The following DPYD variants were observed in gnomAD, a reference collection of about 807,000 sequenced individuals.
DPYD encodes dihydropyrimidine dehydrogenase.
In DPYD, 109 loss-of-function variants were observed where a neutral mutation model predicts 116.2. The observed-to-expected ratio is 0.94, with a 90% confidence interval of 0.80 to 1.10. DPYD has a LOEUF of 1.10. Among genes scored for constraint, DPYD ranks in the 50% least tolerant of loss-of-function variants. DPYD has a pLI of 0.00. For synonymous variants in DPYD, 440 were observed against 432.0 expected (o/e 1.02, Z -0.23); for missense variants, 1,302 against 1,254.5 (o/e 1.04, Z -0.57).
At chr1:97,594,988 G>T in intron 9 of DPYD, 71 bp downstream of exon 9, 4 of 1,173,072 alleles carry the variant, frequency 3.4e-6, no homozygotes, top group South Asian at 1.2e-5. Context: ...TGCTGAGCTT[G>T]ATTTTGATAT....
intron 11 of DPYD, among the ~76,000 whole-genome samples, chr1:97,567,560 C>T (rs1652608793): frequency 1.3e-5 from 2 of 152,094 alleles, no homozygotes; most frequent in African/African-American, 4.8e-5. Flanking sequence ...GCTCAGTCAC[C>T]TTGTCTCCGC....
chr1:97,749,288 C>T (rs1473786821), intron 3 of DPYD, among the ~76,000 whole-genome samples: 2 of 152,114 alleles, frequency 1.3e-5, no homozygotes, highest in Admixed American at 1.3e-4. Flanking sequence ...AGTGAAGAGT[C>T]AAAGAGTAAT....
chr1:97,190,787 T>C (rs962890291), intron 20 of DPYD, among the ~76,000 whole-genome samples: 1 of 152,204 alleles, frequency 6.6e-6, no homozygotes. Flanking sequence ...TCATTTTCTC[T>C]CCATTGTCAA....
intron 13 of DPYD, among the ~76,000 whole-genome samples, chr1:97,455,284 T>C (rs1277294143): frequency 6.6e-6 from 1 of 151,942 alleles, no homozygotes; most frequent in African/African-American, 2.4e-5. Flanking sequence ...TGTATATCGC[T>C]ATGAGTTGTT....
intron 16 of DPYD, 154 bp from the exon 17 acceptor site, chr1:97,306,451 C>A (rs1236248776): frequency 2.1e-6 from 2 of 973,826 alleles, no homozygotes; most frequent in Non-Finnish European, 3.2e-6. Flanking sequence ...CAGTATTACA[C>A]CTAGACTCAT....
chr1:97,315,638 A>G (rs1484628768), intron 16 of DPYD, among the ~76,000 whole-genome samples: 2 of 151,982 alleles, frequency 1.3e-5, no homozygotes, highest in African/African-American at 4.8e-5. Context: ...AAGAAGAAAG[A>G]AACTTGCCCA....
At chr1:97,751,460 G>GTGTGTGTATATATATATA (rs763260651) in intron 3 of DPYD, among the ~76,000 whole-genome samples, 4 of 21,286 alleles carry the variant, frequency 1.9e-4, no homozygotes, top group African/African-American at 3.5e-4. Flanking sequence ...GTGTGTGTGT[G>GTGTGTGTATATATATATA]TATATATATA....
intron 10 of DPYD, among the ~76,000 whole-genome samples, chr1:97,590,745 C>G (rs1457746975): frequency 6.6e-6 from 1 of 152,176 alleles, no homozygotes; most frequent in Non-Finnish European, 1.5e-5. Flanking sequence ...TTCCAAGGTG[C>G]TATGCCTCTA....
chr1:97,207,804 C>G (rs1659747413), intron 19 of DPYD, among the ~76,000 whole-genome samples: 1 of 152,108 alleles, frequency 6.6e-6, no homozygotes, highest in Non-Finnish European at 1.5e-5. Context: ...TGGGTTTCTG[C>G]ATCACGCACC....
chr1:97,260,250 C>A (rs1411265182), intron 18 of DPYD, among the ~76,000 whole-genome samples: 1 of 152,054 alleles, frequency 6.6e-6, no homozygotes, highest in African/African-American at 2.4e-5. Flanking sequence ...GGTGTGAAGA[C>A]TTCTTGTTAT....
intron 14 of DPYD, among the ~76,000 whole-genome samples, chr1:97,393,423 C>T (rs962224642): frequency 2.6e-5 from 4 of 151,844 alleles, no homozygotes; most frequent in African/African-American, 9.7e-5. Flanking sequence ...AGGTATATCT[C>T]CTAATGCTAT....
intron 1 of DPYD, among the ~76,000 whole-genome samples, chr1:97,910,219 C>T (rs1673868903): frequency 6.6e-6 from 1 of 151,962 alleles, no homozygotes; most frequent in East Asian, 1.9e-4. Flanking sequence ...CATTAGAATG[C>T]AATTTTATTG....
intron 18 of DPYD, among the ~76,000 whole-genome samples, chr1:97,279,549 A>G (rs899484753): frequency 6.6e-6 from 1 of 152,104 alleles, no homozygotes; most frequent in Non-Finnish European, 1.5e-5. Context: ...CTGGCTCTGT[A>G]ACTCAGGCTG....
intron 13 of DPYD, among the ~76,000 whole-genome samples, chr1:97,472,297 C>A (rs961157887): frequency 6.6e-6 from 1 of 152,154 alleles, no homozygotes; most frequent in African/African-American, 2.4e-5. Context: ...GATTAACTAC[C>A]CAGCACTCCT....
intron 8 of DPYD, among the ~76,000 whole-genome samples, chr1:97,603,061 G>A (rs538673975): frequency 4.0e-5 from 6 of 151,342 alleles, no homozygotes; most frequent in Admixed American, 1.3e-4. Context: ...TATTTTCTCT[G>A]TTTCTTTTTC....
intron 5 of DPYD, among the ~76,000 whole-genome samples, chr1:97,712,974 C>T (rs562051775): frequency 9.9e-5 from 15 of 152,180 alleles, no homozygotes; most frequent in African/African-American, 3.1e-4. Context: ...CAGAAGTTAG[C>T]AGAGAATAAC....
intron 18 of DPYD, among the ~76,000 whole-genome samples, chr1:97,291,488 C>A (rs12032933): frequency 0.59 from 90,000 of 151,536 alleles, 26,922 homozygotes; most frequent in South Asian, 0.71. Context: ...ACATATACAC[C>A]ATGGAATACT....
At chr1:97,808,725 G>GT (rs1668202896) in intron 3 of DPYD, among the ~76,000 whole-genome samples, 1 of 151,020 alleles carries the variant, frequency 6.6e-6, no homozygotes, top group African/African-American at 2.4e-5. Context: ...TTAAATTGGG[G>GT]TTTATATCTT....
intron 15 of DPYD, among the ~76,000 whole-genome samples, chr1:97,379,219 G>A (rs1046554342): frequency 9.9e-5 from 15 of 152,126 alleles, no homozygotes; most frequent in East Asian, 3.9e-4. Flanking sequence ...AGAAGGCAGC[G>A]GGATCTGGAA....
Sources: gnomAD v4.1 joint callset for allele counts (sites outside exome capture counted in the v4.1 genomes callset) on GRCh38, gnomAD v4.1.1 for gene constraint, MANE v1.5 for transcripts, NCBI Gene and HGNC (gene_info 2026-07-23, HGNC 2026-07-21) for gene names.